PSMA3: variants seen among roughly 807,000 people sequenced by gnomAD.
PSMA3 encodes proteasome 20S subunit alpha 3, also known as proteasome subunit alpha type-3.
A neutral mutation model predicts 40.0 loss-of-function variants in PSMA3; 8 were observed. The ratio of observed to expected loss-of-function variants is 0.20; its 90% CI spans 0.12 to 0.36. The LOEUF is 0.36. Among genes scored for constraint, PSMA3 ranks in the 10% least tolerant of loss-of-function variants. The probability of loss-of-function intolerance (pLI) is 1.00; values close to 1 mark genes in which losing one functional copy is unlikely to be tolerated. For missense variants in PSMA3, 219 were observed against 310.6 expected, an observed-to-expected ratio of 0.70 and a Z score of 2.22; for synonymous variants, 110 against 100.0, an observed-to-expected ratio of 1.10 and a Z score of -0.59.
chr14:58,252,526 A>G (rs1890035567), intron 3 of PSMA3, among the ~76,000 whole-genome samples: 1 of 152,174 alleles, frequency 6.6e-6, no homozygotes, highest in Non-Finnish European at 1.5e-5. Context: ...TGAGAGGTGA[A>G]GAATCTTTAG....
chr14:58,252,297 A>G, intron 3 of PSMA3, 55 bp downstream of exon 3: 1 of 1,575,100 alleles, frequency 6.3e-7, no homozygotes, highest in Admixed American at 1.9e-5. Context: ...TTTTGAAGTA[A>G]CTGATTGGAA....
chr14:58,262,749 G>C (rs1049642819), intron 6 of PSMA3, among the ~76,000 whole-genome samples: 1 of 151,716 alleles, frequency 6.6e-6, no homozygotes, highest in Non-Finnish European at 1.5e-5. Flanking sequence ...TTTTAGTAGA[G>C]ACAGACTTTC....
Position 58,250,176 on chromosome 14 carries a change from C to T in PSMA3, c.105-1943C>T, listed in dbSNP as rs373665103. 1.6e-3 allele frequency among the ~76,000 whole-genome samples: 217 copies of T among 135,480 alleles called. No homozygotes were observed. The Middle Eastern group carries it at 0.024, about 15-fold the overall frequency. The allele number at this position is 135,480 out of a possible 152,430, so 88.9% of individuals were successfully genotyped here. On this transcript the variant is annotated intron_variant, in intron 2 of 10. Transcript: ENST00000216455. ...TGGAGGTTGCAGTGAGCCAAGATCA[C>T]GCCACTGTACTCCAGCTGGGGCAAC...
At chr14:58,263,590 C>A in intron 6 of PSMA3, 115 bp from the exon 7 acceptor site, 1 of 787,272 alleles carries the variant, frequency 1.3e-6, no homozygotes, top group Non-Finnish European at 2.0e-6. Flanking sequence ...TTTTTCTATA[C>A]TTGCTTTTAA....
intron 3 of PSMA3, among the ~76,000 whole-genome samples, chr14:58,253,557 T>C (rs2140082949): frequency 6.6e-6 from 1 of 152,310 alleles, no homozygotes. Context: ...AATATGTTTC[T>C]CCTGAACAGA....
rs1594827844 is a variant in PSMA3, at chr14:58,257,844, A to C, written c.328A>C (p.Lys110Gln). 6.2e-7 allele frequency: 1 copy of C among 1,613,268 alleles called. No homozygotes were observed. Among genetic ancestry groups the C allele is most frequent in the South Asian group, 1.1e-5 (1 of 91,070 alleles). ...TAACTTTGGCTACAACATTCCACTA[A>C]AAGTAAGTTGATAACATATTGAGGA... ...RSNFGYNIPL[K>Q]HLADRVAMYV... The change falls in exon 4 of 11, where the codon AAA becomes CAA. Residue 110 changes from lysine to glutamine, a missense_variant and splice_region_variant. Physicochemically the swap from Lys to Gln is moderately conservative, Grantham distance 53. Coordinates refer to ENST00000216455, the MANE Select transcript of PSMA3 (RefSeq NM_002788.4).
intron 8 of PSMA3, among the ~76,000 whole-genome samples, chr14:58,268,496 C>T (rs1890510938): frequency 6.6e-6 from 1 of 152,096 alleles, no homozygotes; most frequent in African/African-American, 2.4e-5. Context: ...CACCTCCTCC[C>T]CTCCGCCCTC....
chr14:58,271,960 G>A lies in PSMA3; in HGVS notation c.*65G>A. The A allele has an allele frequency of 1.7e-6, 2 of 1,185,094 alleles. No homozygotes were observed. Among genetic ancestry groups the A allele is most frequent in the East Asian group, 2.4e-5 (1 of 41,702 alleles). 73.4% of individuals were successfully genotyped at this position (1,185,094 alleles called of 1,614,324 possible). A position where few individuals can be genotyped will look rare whatever the true frequency, so the allele number is the denominator to read the frequency against. The stretch of plus-strand genomic sequence containing the variant: ...CAGTCCAATGTAACTATTTAGCCCT[G>A]GATTATACATACTGTCCAATTTTCA... On this transcript the variant is annotated 3_prime_UTR_variant, in exon 11 of 11. Coordinates refer to ENST00000216455, the MANE Select transcript of PSMA3 (RefSeq NM_002788.4).
At chr14:58,259,723 A>C (rs1726759269) in intron 5 of PSMA3, among the ~76,000 whole-genome samples, 1 of 152,342 alleles carries the variant, frequency 6.6e-6, no homozygotes, top group East Asian at 1.9e-4. Context: ...AGGGACAACA[A>C]TTAGGGAACG....
chr14:58,270,142 A>C, intron 8 of PSMA3: 3 of 301,200 alleles, frequency 1.0e-5, no homozygotes, highest in Non-Finnish European at 1.8e-5. Context: ...CACTGTGCCC[A>C]GCCAAGTTAT....
At chr14:58,270,224 T>G in intron 8 of PSMA3, 194 bp from the exon 9 acceptor site, 1 of 738,382 alleles carries the variant, frequency 1.4e-6, no homozygotes, top group African/African-American at 1.8e-5. Context: ...GTCGGGAGAG[T>G]AGATGTTTCA....
chr14:58,261,436 C>T (rs930984596), intron 6 of PSMA3, among the ~76,000 whole-genome samples: 5 of 152,136 alleles, frequency 3.3e-5, no homozygotes, highest in Non-Finnish European at 7.3e-5. Context: ...ACCTGGGTCT[C>T]CCAAAGTGCG....
chr14:58,252,777 C>T (rs904294032), intron 3 of PSMA3, among the ~76,000 whole-genome samples: 1 of 148,964 alleles, frequency 6.7e-6, no homozygotes, highest in Non-Finnish European at 1.5e-5. Flanking sequence ...TAAAGTTACC[C>T]TACATAGATG....
chr14:58,270,515 T>C, intron 9 of PSMA3, 30 bp downstream of exon 9: 1 of 1,613,274 alleles, frequency 6.2e-7, no homozygotes, highest in Non-Finnish European at 8.5e-7. Flanking sequence ...TTATTTGCCT[T>C]AGGAATGATC....
intron 7 of PSMA3, 150 bp from the exon 8 acceptor site, chr14:58,267,324 T>TA: frequency 8.3e-7 from 1 of 1,203,282 alleles, no homozygotes; most frequent in South Asian, 3.0e-5. Flanking sequence ...TTCAAAACAT[T>TA]AAAATATGAA....
rs762361464 is a variant in PSMA3 at position 58,244,895 on chromosome 14, C to G, written c.-26C>G. ...GGGAAGCGCTCCGGGCCTGGAATCC[C>G]TACGCGTCCCTTTGGGTTTAGCACG... is the stretch of plus-strand genomic sequence containing the variant. On this transcript the variant is annotated 5_prime_UTR_variant, in exon 1 of 11. Coordinates refer to ENST00000216455, the MANE Select transcript of PSMA3 (RefSeq NM_002788.4). 12 of 1,614,190 alleles carry G rather than the reference C, an allele frequency of 7.4e-6. No homozygotes were observed. In the East Asian group the frequency reaches 2.2e-4, roughly 30 times the overall value.
intron 7 of PSMA3, chr14:58,266,158 T>G (rs1282941321): frequency 6.6e-6 from 1 of 152,208 alleles, no homozygotes; most frequent in African/African-American, 2.4e-5. Context: ...TGTACCCAAA[T>G]AATGGTTTGT....
In PSMA3 at chr14:58,257,863, T is replaced by C. The variant is rs538104808; in HGVS notation, c.330+17T>C. 4 of 1,612,212 alleles carry C rather than the reference T, an allele frequency of 2.5e-6. No homozygotes were observed. Among genetic ancestry groups the C allele is most frequent in the South Asian group, 1.1e-5 (1 of 91,052 alleles). ...CCACTAAAAGTAAGTTGATAACATA[T>C]TGAGGAACCTTTTGGACAGTAATAG... On this transcript the variant is annotated intron_variant, in intron 4 of 10. Transcript: ENST00000216455.
At chr14:58,250,779 A>G (rs1889994157) in intron 2 of PSMA3, among the ~76,000 whole-genome samples, 1 of 152,220 alleles carries the variant, frequency 6.6e-6, no homozygotes, top group South Asian at 2.1e-4. Flanking sequence ...AAAATGAAAC[A>G]CAGCTAGGAA....
Sources: gnomAD v4.1 joint callset for allele counts (sites outside exome capture counted in the v4.1 genomes callset) on GRCh38, gnomAD v4.1.1 for gene constraint, MANE v1.5 for transcripts, NCBI Gene and HGNC (gene_info 2026-07-23, HGNC 2026-07-21) for gene names.